MAML2: variants seen among roughly 807,000 people sequenced by gnomAD.
MAML2 encodes the protein mastermind-like protein 2.
In MAML2, 22 loss-of-function variants were observed where a neutral mutation model predicts 96.1. The ratio of observed to expected loss-of-function variants is 0.23; its 90% CI spans 0.16 to 0.33. MAML2 has a LOEUF of 0.33. MAML2 is among the 10% of genes least tolerant of loss of function. The probability of loss-of-function intolerance (pLI) is 1.00; values close to 1 mark genes in which losing one functional copy is unlikely to be tolerated. For missense variants in MAML2, 1,367 were observed against 1,392.4 expected, an observed-to-expected ratio of 0.98 and a Z score of 0.29; for synonymous variants, 561 against 521.3, an observed-to-expected ratio of 1.08 and a Z score of -1.04.
intron 1 of MAML2, among the ~76,000 whole-genome samples, chr11:96,304,751 T>C (rs967688957): frequency 3.3e-5 from 5 of 152,200 alleles, no homozygotes; most frequent in African/African-American, 1.2e-4. Flanking sequence ...GCTAACTGCA[T>C]AAAGTGCTCC....
At chr11:96,203,499 A>C (rs190315101) in intron 1 of MAML2, among the ~76,000 whole-genome samples, 37 of 152,298 alleles carry the variant, frequency 2.4e-4, no homozygotes, top group African/African-American at 8.9e-4. Context: ...ATAATTAACA[A>C]ATTTTATTTA....
chr11:96,169,928 C>A (rs1861257178), intron 1 of MAML2, among the ~76,000 whole-genome samples: 1 of 152,258 alleles, frequency 6.6e-6, no homozygotes, highest in South Asian at 2.1e-4. Context: ...ATTGGGATTG[C>A]AGGCGTGGGC....
intron 1 of MAML2, among the ~76,000 whole-genome samples, chr11:96,334,070 C>A (rs1462089191): frequency 1.3e-5 from 2 of 152,152 alleles, no homozygotes; most frequent in Non-Finnish European, 2.9e-5. Context: ...GTCCCATTCT[C>A]AAGAAGGACA....
At chr11:96,305,341 A>G (rs539084416) in intron 1 of MAML2, among the ~76,000 whole-genome samples, 3 of 152,280 alleles carry the variant, frequency 2.0e-5, no homozygotes, top group Admixed American at 2.0e-4. Flanking sequence ...CCTAATGTCA[A>G]CTACAGACCT....
rs373667355 is a variant in MAML2, at chr11:96,252,431, T to C, written c.513+88952A>G. 1.1e-4 allele frequency among the ~76,000 whole-genome samples: 16 copies of C among 140,338 alleles called. 1 individual carries two copies. Among genetic ancestry groups the C allele is most frequent in the Non-Finnish European group, 1.3e-4 (8 of 61,224 alleles). The allele number at this position is 140,338 out of a possible 152,430, so 92.1% of individuals were successfully genotyped here. On this transcript the variant is annotated intron_variant, in intron 1 of 4. Coordinates refer to ENST00000524717, the MANE Select transcript of MAML2 (RefSeq NM_032427.4). ...CGCTTTACCTTGACTAACTCTTTTT[T>C]TTTTTTTTTTTTTGACCTGGAGTCT...
intron 1 of MAML2, among the ~76,000 whole-genome samples, chr11:96,117,918 A>G (rs1450510777): frequency 2.6e-5 from 4 of 152,212 alleles, no homozygotes; most frequent in African/African-American, 9.7e-5. Flanking sequence ...TTCTTTATAT[A>G]TATACAGATC....
intron 2 of MAML2, among the ~76,000 whole-genome samples, chr11:96,071,531 CT>C (rs1208475189): frequency 6.6e-6 from 1 of 152,198 alleles, no homozygotes; most frequent in East Asian, 1.9e-4. Flanking sequence ...TTGTCAAACT[CT>C]TGTTTTGGAC....
At chr11:96,210,744 T>G (rs73529210) in intron 1 of MAML2, among the ~76,000 whole-genome samples, 1 of 152,150 alleles carries the variant, frequency 6.6e-6, no homozygotes. Context: ...TAAATGTTAC[T>G]ATAAATATTA....
At chr11:96,260,183 G>A (rs761346444) in intron 1 of MAML2, among the ~76,000 whole-genome samples, 17 of 151,762 alleles carry the variant, frequency 1.1e-4, no homozygotes, top group Non-Finnish European at 2.4e-4. Flanking sequence ...TCTGTGTGGT[G>A]TTGGGGGATG....
intron 1 of MAML2, among the ~76,000 whole-genome samples, chr11:96,277,052 A>T (rs1862998900): frequency 6.6e-6 from 1 of 152,166 alleles, no homozygotes; most frequent in African/African-American, 2.4e-5. Flanking sequence ...ACAGCATGAA[A>T]GATAAGCTCA....
Position 96,201,078 on chromosome 11 carries a change from C to T in MAML2, c.514-107561G>A, listed in dbSNP as rs145422368. On this transcript the variant is annotated intron_variant, in intron 1 of 4. Coordinates refer to ENST00000524717, the MANE Select transcript of MAML2 (RefSeq NM_032427.4). ...AAAAAAGTCTCATTTACTTAGGCCA[C>T]GAAATCTGAAATACATTGTAAGGGA... 3.6e-3 allele frequency among the ~76,000 whole-genome samples: 554 copies of T among 152,100 alleles called. 4 individuals are homozygous for T. The highest frequency in any genetic ancestry group is 0.012 in the African/African-American group (500 of 41,464).
At chr11:96,115,953 A>T (rs1210598216) in intron 1 of MAML2, among the ~76,000 whole-genome samples, 2 of 152,152 alleles carry the variant, frequency 1.3e-5, no homozygotes, top group African/African-American at 4.8e-5. Context: ...GAACCTGAAG[A>T]GCTATCTCAG....
At chr11:96,239,179 A>C (rs1450158559) in intron 1 of MAML2, among the ~76,000 whole-genome samples, 1 of 152,246 alleles carries the variant, frequency 6.6e-6, no homozygotes, top group African/African-American at 2.4e-5. Context: ...GCCATAAAGT[A>C]AATGTGGTGC....
chr11:96,245,094 C>T (rs939389147), intron 1 of MAML2, among the ~76,000 whole-genome samples: 14 of 152,112 alleles, frequency 9.2e-5, no homozygotes, highest in Non-Finnish European at 1.8e-4. Flanking sequence ...ACTCCTCTGA[C>T]ATACAAAATA....
At chr11:96,137,775 T>C (rs1860661014) in intron 1 of MAML2, among the ~76,000 whole-genome samples, 1 of 152,336 alleles carries the variant, frequency 6.6e-6, no homozygotes, top group Admixed American at 6.5e-5. Context: ...ATTAGAAAAT[T>C]AGAATTTTAT....
intron 1 of MAML2, among the ~76,000 whole-genome samples, chr11:96,181,912 C>T (rs963904827): frequency 1.6e-4 from 24 of 152,174 alleles, no homozygotes; most frequent in African/African-American, 5.1e-4. Context: ...TCTAATTCAG[C>T]GAAAATCTTC....
At chr11:96,019,940 T>A (rs1401695254) in intron 2 of MAML2, among the ~76,000 whole-genome samples, 3 of 152,220 alleles carry the variant, frequency 2.0e-5, no homozygotes, top group South Asian at 2.1e-4. Context: ...ACTTTGGTTG[T>A]CCCTCTGAGT....
At chr11:96,109,020 C>CA (rs10694455) in intron 1 of MAML2, among the ~76,000 whole-genome samples, 14,491 of 144,758 alleles carry the variant, frequency 0.1, 776 homozygotes, top group African/African-American at 0.13. Context: ...TTGAGTGTTT[C>CA]AAAAAAAAAA....
At chr11:96,183,227 G>A (rs778423883) in intron 1 of MAML2, among the ~76,000 whole-genome samples, 4 of 151,594 alleles carry the variant, frequency 2.6e-5, no homozygotes, top group Non-Finnish European at 5.9e-5. Flanking sequence ...CCAACGCGCT[G>A]GGATTACAGG....
Sources: allele counts gnomAD v4.1 joint callset (sites outside exome capture counted in the v4.1 genomes callset), GRCh38; gene constraint gnomAD v4.1.1; transcripts MANE v1.5; gene names NCBI Gene and HGNC (gene_info 2026-07-23, HGNC 2026-07-21).